Variants in AKR1C4 observed in about 807,000 individuals in gnomAD.
The protein encoded by AKR1C4 is 3-alpha-HSD1.
AKR1C4 carries 44 observed loss-of-function variants against 41.0 expected under a neutral mutation model. That is an observed-to-expected ratio of 1.07 (90% CI 0.84 to 1.38). The LOEUF is 1.38. AKR1C4 is among the 40% of genes most tolerant of loss of function. AKR1C4 has a pLI of 0.00. For missense variants in AKR1C4, 438 were observed against 387.9 expected (o/e 1.13, Z -1.09); for synonymous variants, 165 against 137.7 (o/e 1.20, Z -1.39).
At chr10:5,202,939 TTGTGTGTGTGTG>T (rs57414547) in intron 2 of AKR1C4, among the ~76,000 whole-genome samples, 9,571 of 139,252 alleles carry the variant, frequency 0.069, 362 homozygotes, top group Admixed American at 0.12. Flanking sequence ...TAGTTTTCTT[TTGTGTGTGTGTG>T]TGTGTGTGTG....
chr10:5,202,841 T>C (rs1488086894), intron 2 of AKR1C4, among the ~76,000 whole-genome samples: 1 of 152,074 alleles, frequency 6.6e-6, no homozygotes, highest in Admixed American at 6.6e-5. Flanking sequence ...CACTTGATCA[T>C]GATATATTTT....
chr10:5,213,699 C>A (rs1348900318), intron 7 of AKR1C4, among the ~76,000 whole-genome samples: 4 of 152,118 alleles, frequency 2.6e-5, no homozygotes, highest in African/African-American at 9.7e-5. Context: ...ACTGACAATT[C>A]CATGGTTTGA....
chr10:5,212,956 C>A, intron 6 of AKR1C4, 38 bp from the exon 7 acceptor site: 6 of 1,606,660 alleles, frequency 3.7e-6, no homozygotes, highest in Non-Finnish European at 5.1e-6. Flanking sequence ...AAACTGAATC[C>A]AGCCTCAAGA....
In AKR1C4 at chr10:5,217,440, A is replaced by G. The variant is rs1832672372; in HGVS notation, c.929+647A>G. On this transcript the variant is annotated intron_variant, in intron 8 of 8. Transcript: ENST00000263126. Reference sequence around the variant, plus strand: ...ATGGAAATCTCAATGCAGAGTATAAAGAAGCTTTAGAGAAGATAGATTAAA... The same window carrying G: ...ATGGAAATCTCAATGCAGAGTATAAGGAAGCTTTAGAGAAGATAGATTAAA... 2.0e-5 allele frequency among the ~76,000 whole-genome samples: 3 copies of G among 152,352 alleles called. No homozygotes were observed. In the South Asian group the frequency reaches 6.2e-4, roughly 32 times the overall value.
Position 5,212,997 on chromosome 10 carries a change from G to C in AKR1C4, c.684G>C (p.Val228=). The C allele has an allele frequency of 1.2e-6, 2 of 1,613,966 alleles. No homozygotes were observed. Among genetic ancestry groups the C allele is most frequent in the Non-Finnish European group, 1.7e-6 (2 of 1,179,920 alleles). Residue 228 remains valine (V), a synonymous_variant, in exon 7 of 9, where the codon GTG becomes GTC. Coordinates refer to ENST00000263126, the MANE Select transcript of AKR1C4 (RefSeq NM_001818.5). The part of the protein sequence containing the change: ...ALGTQRHKLW[V]DPNSPVLLED... Reference sequence around the variant, plus strand: ...GCATTTCTGGCTTTCCTTCCAGGGTGGACCCAAACTCCCCAGTTCTTTTGG... The same window carrying C: ...GCATTTCTGGCTTTCCTTCCAGGGTCGACCCAAACTCCCCAGTTCTTTTGG...
intron 5 of AKR1C4, among the ~76,000 whole-genome samples, chr10:5,211,315 G>C (rs1440722951): frequency 6.6e-6 from 1 of 152,174 alleles, no homozygotes; most frequent in African/African-American, 2.4e-5. Flanking sequence ...TCATCAGACT[G>C]CAAGTTTTCT....
intron 6 of AKR1C4, 98 bp from the exon 7 acceptor site, chr10:5,212,896 A>T: frequency 6.7e-7 from 1 of 1,491,074 alleles, no homozygotes; most frequent in South Asian, 1.3e-5. Context: ...CTCACTTGAG[A>T]GGCTCTGGTG....
chr10:5,207,402 G>C (rs1832506285), intron 5 of AKR1C4: 1 of 321,568 alleles, frequency 3.1e-6, no homozygotes, highest in Non-Finnish European at 6.3e-6. Flanking sequence ...GTGGTCAGAA[G>C]AAATGAGGAA....
intron 5 of AKR1C4, among the ~76,000 whole-genome samples, chr10:5,211,618 C>A (rs1292762315): frequency 6.6e-6 from 1 of 152,190 alleles, no homozygotes; most frequent in Non-Finnish European, 1.5e-5. Context: ...AAGTTCCGGA[C>A]CTTCTTATAC....
chr10:5,200,368 C>A lies in AKR1C4; in HGVS notation c.252+20C>A, dbSNP rs782324734. The A allele has an allele frequency of 1.9e-6, 3 of 1,595,750 alleles. No individual in the cohort carries two copies. The highest frequency in any genetic ancestry group is 2.7e-5 in the African/African-American group (2 of 74,430). On this transcript the variant is annotated intron_variant, in intron 2 of 8. Transcript: ENST00000263126. ...TCAAAGGTACTGTGCCTATGATGAG[C>A]ATGTATGCACATGTGTTTAATGGGA... is the stretch of plus-strand genomic sequence containing the variant.
chr10:5,210,942 T>C (rs1448817363), intron 5 of AKR1C4, among the ~76,000 whole-genome samples: 3 of 152,180 alleles, frequency 2.0e-5, no homozygotes, highest in Admixed American at 6.5e-5. Flanking sequence ...TGTGCACACA[T>C]AGGCTCACTA....
At chr10:5,199,566 A>G (rs1832364747) in intron 1 of AKR1C4, among the ~76,000 whole-genome samples, 1 of 152,182 alleles carries the variant, frequency 6.6e-6, no homozygotes, top group South Asian at 2.1e-4. Flanking sequence ...AGAGGAATAC[A>G]CAGGTGGCTA....
intron 5 of AKR1C4, among the ~76,000 whole-genome samples, chr10:5,211,033 G>A (rs184848651): frequency 1.4e-4 from 22 of 152,306 alleles, no homozygotes; most frequent in East Asian, 5.8e-4. Context: ...TTTTAGTCAC[G>A]GCAGGAGTGA....
In AKR1C4 at chr10:5,204,459, A is replaced by T. The variant is rs782525505; in HGVS notation, c.335A>T (p.Asp112Val). 5 of 1,613,590 alleles carry T rather than the reference A, an allele frequency of 3.1e-6. No individual in the cohort carries two copies. In the South Asian group the frequency reaches 5.5e-5, roughly 18 times the overall value. ...AAAAAACTTCAACTGGACTATGTTG[A>T]CCTCTATCTTCTTCATTTCCCAATG... is the stretch of plus-strand genomic sequence containing the variant. ...SLKKLQLDYVDLYLLHFPMAL... is the reference protein window; with the variant it reads ...SLKKLQLDYVVLYLLHFPMAL... Residue 112 changes from aspartate to valine, a missense_variant, in exon 3 of 9, where the codon GAC becomes GTC. Transcript: ENST00000263126.
At chr10:5,199,626 T>G (rs1189907632) in intron 1 of AKR1C4, among the ~76,000 whole-genome samples, 1 of 152,094 alleles carries the variant, frequency 6.6e-6, no homozygotes, top group Non-Finnish European at 1.5e-5. Context: ...GCGGGCCACC[T>G]ACTGGCAGAA....
In AKR1C4 at chr10:5,196,919, G is replaced by C. The variant is rs574478596; in HGVS notation, c.52G>C (p.Val18Leu). Residue 18 changes from valine (V) to leucine (L), a missense_variant, in exon 1 of 9, where the codon GTA (valine) becomes CTA (leucine). Val to Leu is a conservative substitution (Grantham distance 32). Transcript: ENST00000263126. ...VELNDGHFMP[V>L]LGFGTYAPPE... ...GCTAAATGATGGTCACTTCATGCCC[G>C]TATTGGGATTTGGCACCTATGCACC... The C allele has an allele frequency of 6.2e-7, 1 of 1,613,788 alleles. No individual in the cohort carries two copies.
chr10:5,215,469 C>T (rs1246743479), intron 7 of AKR1C4, among the ~76,000 whole-genome samples: 1 of 152,164 alleles, frequency 6.6e-6, no homozygotes, highest in Non-Finnish European at 1.5e-5. Context: ...AGCATAGCAC[C>T]AGCATCTCAT....
rs1300571718 is a variant in AKR1C4 at position 5,216,722 on chromosome 10, C to G, written c.858C>G (p.Phe286Leu). ...RIRENIQVFE[F>L]QLTSEDMKVL... ...TACTTCTTTGGTAGGTTTTTGAATTCCAGTTGACATCAGAGGATATGAAAG... is the reference window on the plus strand; with the variant it reads ...TACTTCTTTGGTAGGTTTTTGAATTGCAGTTGACATCAGAGGATATGAAAG... Residue 286 changes from phenylalanine to leucine, a missense_variant, in exon 8 of 9, where the codon TTC becomes TTG. Phe to Leu is a conservative substitution (Grantham distance 22, BLOSUM62 0). Coordinates refer to ENST00000263126, the MANE Select transcript of AKR1C4 (RefSeq NM_001818.5). The G allele has an allele frequency of 6.2e-7, 1 of 1,609,336 alleles. No homozygotes were observed. Among genetic ancestry groups the G allele is most frequent in the Admixed American group, 1.7e-5 (1 of 59,550 alleles).
At position 5,206,348 on chromosome 10, in the gene AKR1C4, A is replaced by C; in HGVS notation, c.521A>C (p.Glu174Ala). 1 of 1,614,098 alleles carries C rather than the reference A, an allele frequency of 6.2e-7. No individual in the cohort carries two copies. Among genetic ancestry groups the C allele is most frequent in the East Asian group, 2.2e-5 (1 of 44,874 alleles). ...TCAAACTTCAACTGCAGGCAGCTGG[A>C]GATGATCCTCAACAAGCCAGGACTC... ...GVSNFNCRQL[E>A]MILNKPGLKY... Residue 174 changes from glutamate (E) to alanine (A), a missense_variant, in exon 5 of 9, where the codon GAG (glutamate) becomes GCG (alanine). Coordinates refer to ENST00000263126, the MANE Select transcript of AKR1C4 (RefSeq NM_001818.5).
Sources: allele counts gnomAD v4.1 joint callset (sites outside exome capture counted in the v4.1 genomes callset), GRCh38; gene constraint gnomAD v4.1.1; transcripts MANE v1.5; gene names NCBI Gene and HGNC (gene_info 2026-07-23, HGNC 2026-07-21).